Variants in CCDC122 observed in about 807,000 individuals in gnomAD.
CCDC122 encodes coiled-coil domain containing 122.
In CCDC122, 38 loss-of-function variants were observed where a neutral mutation model predicts 37.0. The ratio of observed to expected loss-of-function variants is 1.03; its 90% CI spans 0.79 to 1.35. CCDC122 has a LOEUF of 1.35. Ranked by LOEUF, CCDC122 falls within the 40% of genes most tolerant of loss-of-function variation. The pLI is 0.00. For missense variants in CCDC122, 305 were observed against 310.0 expected, an observed-to-expected ratio of 0.98 and a Z score of 0.12; for synonymous variants, 83 against 95.6, an observed-to-expected ratio of 0.87 and a Z score of 0.77.
chr13:43,823,543 A>G (rs1054201550), downstream of CCDC122, among the ~76,000 whole-genome samples: 6 of 152,340 alleles, frequency 3.9e-5, no homozygotes, highest in Non-Finnish European at 8.8e-5. Context: ...CTTGTGCCCT[A>G]GATTACTCTT....
At chr13:43,844,796 T>C (rs999111516) in intron 6 of CCDC122, among the ~76,000 whole-genome samples, 2 of 152,166 alleles carry the variant, frequency 1.3e-5, no homozygotes, top group African/African-American at 2.4e-5. Flanking sequence ...TTTTTAAAGA[T>C]TGGTGTATTC....
At chr13:43,830,722 C>T (rs1953081754) in intron 3 of CCDC122, among the ~76,000 whole-genome samples, 1 of 152,174 alleles carries the variant, frequency 6.6e-6, no homozygotes, top group Non-Finnish European at 1.5e-5. Context: ...ATGATAGATT[C>T]TTGCATAAAC....
chr13:43,827,098 C>T lies in CCDC122; in HGVS notation n.602-3087G>A, dbSNP rs1253538503. Among the ~76,000 whole-genome samples the T allele has an allele frequency of 5.9e-5, 9 of 152,118 alleles. No homozygotes were observed. The South Asian group carries it at 1.7e-3, about 28-fold the overall frequency. On this transcript the variant is annotated intron_variant and non_coding_transcript_variant, in intron 3 of 3. Coordinates refer to the CCDC122 transcript ENST00000470137. ...TGGAACACTTTACATAATTTTTCAA[C>T]ATATCAAACTCTTTTAAAGCATGGT...
intron 6 of CCDC122, among the ~76,000 whole-genome samples, chr13:43,840,620 T>C (rs2153870009): frequency 6.6e-6 from 1 of 151,766 alleles, no homozygotes; most frequent in Admixed American, 6.6e-5. Flanking sequence ...CACCTAGGAG[T>C]GAGAACATGC....
downstream of CCDC122, among the ~76,000 whole-genome samples, chr13:43,834,206 G>A (rs889265031): frequency 6.6e-6 from 1 of 152,092 alleles, no homozygotes; most frequent in Non-Finnish European, 1.5e-5. Context: ...CAAGAAATGA[G>A]GAAAGGATTC....
chr13:43,877,023 A>C (rs1272075437), intron 1 of CCDC122, among the ~76,000 whole-genome samples: 1 of 152,176 alleles, frequency 6.6e-6, no homozygotes, highest in Non-Finnish European at 1.5e-5. Flanking sequence ...AGGCAGGAGA[A>C]TCACTTGAAC....
At chr13:43,863,675 T>TTGTGTGTGTG (rs55637761) in intron 4 of CCDC122, among the ~76,000 whole-genome samples, 1 of 149,380 alleles carries the variant, frequency 6.7e-6, no homozygotes, top group African/African-American at 2.5e-5. Context: ...TTCTAGTGGG[T>TTGTGTGTGTG]TGTGTGTGTG....
At chr13:43,837,542 C>T in intron 6 of CCDC122, 113 bp from the exon 7 acceptor site, 2 of 802,944 alleles carry the variant, frequency 2.5e-6, no homozygotes, top group Non-Finnish European at 3.7e-6. Context: ...AAACTATCCA[C>T]TATAAATAAT....
chr13:43,832,913 T>TATA (rs1257040428), downstream of CCDC122, among the ~76,000 whole-genome samples: 1 of 152,208 alleles, frequency 6.6e-6, no homozygotes, highest in Non-Finnish European at 1.5e-5. Flanking sequence ...ATACAAATTG[T>TATA]CAAACAGGGC....
rs187610706 is a variant in CCDC122 at position 43,861,396 on chromosome 13, G to A, written c.157-1326C>T. Among the ~76,000 whole-genome samples the A allele has an allele frequency of 7.8e-4, 119 of 152,212 alleles. No individual in the cohort carries two copies. The East Asian group carries it at 0.017, about 21-fold the overall frequency. The stretch of plus-strand genomic sequence containing the variant: ...TGGCAAAGGGTACGGATAGACTAAC[G>A]GATGAAAAACTGGGACCAAAAATGC... On this transcript the variant is annotated intron_variant, in intron 4 of 6. Transcript: ENST00000444614.
chr13:43,855,652 C>A (rs1179000146), intron 6 of CCDC122: 1 of 150,678 alleles, frequency 6.6e-6, no homozygotes, highest in African/African-American at 2.4e-5. Flanking sequence ...AAGGAGATAC[C>A]ATCATCACTA....
chr13:43,834,142 A>T (rs1168638555), downstream of CCDC122, among the ~76,000 whole-genome samples: 1 of 152,214 alleles, frequency 6.6e-6, no homozygotes, highest in African/African-American at 2.4e-5. Flanking sequence ...CAGAGCCCTC[A>T]GAAATAATGC....
At position 43,837,292 on chromosome 13, in the gene CCDC122, T is replaced by A; in HGVS notation, c.810A>T (p.Gly270=). 1 of 1,613,882 alleles carries A rather than the reference T, an allele frequency of 6.2e-7. No individual in the cohort carries two copies. The highest frequency in any genetic ancestry group is 1.1e-5 in the South Asian group (1 of 91,046). ...CCCTATGGCAATGTTACTCTTGCAT[T>A]CCAATGCATTTTCTTAATTCGGCTG... ...KTAAELRKCI[G]MQE The change falls in exon 7 of 7, where the codon GGA becomes GGT. Residue 270 remains glycine (G), a synonymous_variant. Transcript: ENST00000444614.
At chr13:43,826,117 C>T (rs1953038309) in intron 3 of CCDC122, among the ~76,000 whole-genome samples, 1 of 152,132 alleles carries the variant, frequency 6.6e-6, no homozygotes. Context: ...TTAACTCTTT[C>T]GATGAATTTA....
chr13:43,850,804 A>G (rs1953701852), intron 6 of CCDC122, among the ~76,000 whole-genome samples: 1 of 152,244 alleles, frequency 6.6e-6, no homozygotes, highest in Non-Finnish European at 1.5e-5. Context: ...AAAAGATACA[A>G]AACTACAGAA....
chr13:43,859,667 C>A lies in CCDC122; in HGVS notation c.555+5G>T. On this transcript the variant is annotated splice_donor_5th_base_variant and intron_variant, in intron 5 of 6. Transcript: ENST00000444614. ...AAAATAGTTTTACTAAGTAATTTTG[C>A]ACACCTGTACTTGTGTTATTCGGTT... 2 of 1,457,024 alleles carry A rather than the reference C, an allele frequency of 1.4e-6. No individual in the cohort carries two copies. The highest frequency in any genetic ancestry group is 1.6e-5 in the South Asian group (1 of 63,624). 90.3% of individuals were successfully genotyped at this position (1,457,024 alleles called of 1,614,324 possible). A position where few individuals can be genotyped will look rare whatever the true frequency, so the allele number is the denominator to read the frequency against.
At chr13:43,837,523 C>T in intron 6 of CCDC122, 94 bp from the exon 7 acceptor site, 2 of 1,070,024 alleles carry the variant, frequency 1.9e-6, no homozygotes, top group South Asian at 1.9e-5. Context: ...GAGGGAAGCA[C>T]TTAATTAGAA....
At chr13:43,842,705 AT>A (rs1369129411) in intron 6 of CCDC122, among the ~76,000 whole-genome samples, 2 of 152,016 alleles carry the variant, frequency 1.3e-5, no homozygotes, top group African/African-American at 4.8e-5. Context: ...TTTCTCAGCA[AT>A]TTTTATTGTA....
intron 3 of CCDC122, among the ~76,000 whole-genome samples, chr13:43,830,596 G>T (rs1566937682): frequency 6.6e-6 from 1 of 152,308 alleles, no homozygotes; most frequent in East Asian, 1.9e-4. Flanking sequence ...AATTGGGAGA[G>T]GGCTGCTCAA....
Sources: gnomAD v4.1 joint callset for allele counts (sites outside exome capture counted in the v4.1 genomes callset) on GRCh38, gnomAD v4.1.1 for gene constraint, MANE v1.5 for transcripts, NCBI Gene and HGNC (gene_info 2026-07-23, HGNC 2026-07-21) for gene names.